Variants in TLE2 observed in about 807,000 individuals in gnomAD.
The protein encoded by TLE2 is transducin-like enhancer protein 2.
A neutral mutation model predicts 97.2 loss-of-function variants in TLE2; 74 were observed. That is an observed-to-expected ratio of 0.76 (90% CI 0.63 to 0.92). TLE2 has a LOEUF of 0.92. Among genes scored for constraint, TLE2 ranks in the 40% least tolerant of loss-of-function variants. The pLI is 0.00. For missense variants in TLE2, 1,038 were observed against 1,008.7 expected (o/e 1.03, Z -0.39); for synonymous variants, 499 against 432.1 (o/e 1.15, Z -1.92).
At chr19:3,009,931 C>A (rs956174925) in intron 12 of TLE2, among the ~76,000 whole-genome samples, 2 of 150,642 alleles carry the variant, frequency 1.3e-5, no homozygotes, top group Non-Finnish European at 2.9e-5. Flanking sequence ...TGTCGCCAGG[C>A]TGGAGTTCAG....
chr19:3,016,834 A>G (rs2145168638), intron 8 of TLE2, among the ~76,000 whole-genome samples: 1 of 151,554 alleles, frequency 6.6e-6, no homozygotes, highest in East Asian at 2.0e-4. Flanking sequence ...GCTGGAGTGC[A>G]GTGGCGCAAT....
At position 3,015,719 on chromosome 19, in the gene TLE2, C is replaced by G. The variant is rs1455709029; in HGVS notation, c.612G>C (p.Glu204Asp). Reference sequence around the variant, plus strand: ...CGCCACCACCAGGGCCACTCGGTCGCTCCTCCTCCACGAGACTCTCAGGGG... The same window carrying G: ...CGCCACCACCAGGGCCACTCGGTCGGTCCTCCTCCACGAGACTCTCAGGGG... Reference protein sequence around the residue: ...PSPPESLVEEERPSGPGGGGK... With the variant: ...PSPPESLVEEDRPSGPGGGGK... The change falls in exon 9 of 20, where the codon GAG becomes GAC. Residue 204 changes from glutamate to aspartate, a missense_variant. Coordinates refer to ENST00000262953, the MANE Select transcript of TLE2 (RefSeq NM_003260.5). 6.2e-7 allele frequency: 1 copy of G among 1,611,538 alleles called. No individual in the cohort carries two copies. The highest frequency in any genetic ancestry group is 1.1e-5 in the South Asian group (1 of 90,646).
Position 3,000,664 on chromosome 19 carries a change from C to T in TLE2, c.2107G>A (p.Gly703Arg), listed in dbSNP as rs778196891. The T allele has an allele frequency of 5.7e-6, 9 of 1,590,530 alleles. No homozygotes were observed. The highest frequency in any genetic ancestry group is 2.3e-5 in the East Asian group (1 of 43,536). The change falls in exon 19 of 20, where the codon GGG becomes AGG. Residue 703 changes from glycine (G) to arginine (R), a missense_variant. Gly to Arg is a moderately radical substitution (Grantham distance 125). Coordinates refer to ENST00000262953, the MANE Select transcript of TLE2 (RefSeq NM_003260.5). The part of the protein sequence containing the change: ...NLLNAWRTPY[G>R]ASIFQSKESS... ...CCGAGTACCTGGAAAATGCTGGCCC[C>T]GTACGGCGTCCTCCAGGCGTTGAGC...
Position 3,029,130 on chromosome 19 carries a change from G to A in TLE2, c.-226C>T, listed in dbSNP as rs2145215214. On this transcript the variant is annotated 5_prime_UTR_variant, in exon 1 of 20. Coordinates refer to ENST00000262953, the MANE Select transcript of TLE2 (RefSeq NM_003260.5). The stretch of plus-strand genomic sequence containing the variant: ...GGGTTGGGGTGCGCGGGGCGAGCGG[G>A]GCGGGCAGGGGCAGCGGCCGGGGCG... 2 of 1,077,810 alleles carry A rather than the reference G, an allele frequency of 1.9e-6. No homozygotes were observed. Among genetic ancestry groups the A allele is most frequent in the Non-Finnish European group, 2.3e-6 (2 of 887,194 alleles). The allele number at this position is 1,077,810 out of a possible 1,614,324, so 66.8% of individuals were successfully genotyped here.
chr19:3,013,775 C>A lies in TLE2; in HGVS notation c.767G>T (p.Gly256Val). The A allele has an allele frequency of 6.4e-7, 1 of 1,559,756 alleles. No individual in the cohort carries two copies. The highest frequency in any genetic ancestry group is 8.7e-7 in the Non-Finnish European group (1 of 1,155,772). The change falls in exon 11 of 20, where the codon GGA becomes GTA. Residue 256 changes from glycine (G) to valine (V), a missense_variant. By Grantham distance (109) the Gly-to-Val change is moderately radical. Coordinates refer to ENST00000262953, the MANE Select transcript of TLE2 (RefSeq NM_003260.5). ...EPPSPATTPC[G>V]KVPICIPARR... is the part of the protein sequence containing the mutation. ...GGCAGGAATGCAGATGGGTACCTTT[C>A]CGCAGGGGGTGGTAGCCGGGCTGGG...
At chr19:3,004,747 C>G (rs529015589) in intron 17 of TLE2, among the ~76,000 whole-genome samples, 10 of 151,950 alleles carry the variant, frequency 6.6e-5, no homozygotes, top group African/African-American at 2.4e-4. Flanking sequence ...AAGAGAAAGG[C>G]ATTTCAGCCA....
chr19:3,018,217 G>A lies in TLE2; in HGVS notation c.551-358C>T, dbSNP rs527379293. ...CCCAGTCACAGTTCACTGCAGCCTC[G>A]AGTTCCCGGGCTCAAGTGATTGTCC... is the stretch of plus-strand genomic sequence containing the variant. On this transcript the variant is annotated intron_variant, in intron 7 of 19. Coordinates refer to ENST00000262953, the MANE Select transcript of TLE2 (RefSeq NM_003260.5). Among the ~76,000 whole-genome samples, 8 of 152,052 alleles carry A rather than the reference G, an allele frequency of 5.3e-5. 1 individual carries two copies. The East Asian group carries it at 9.7e-4, about 18-fold the overall frequency.
In TLE2 at chr19:3,025,350, G is replaced by A. The variant is rs4399658; in HGVS notation, c.232-268C>T. On this transcript the variant is annotated intron_variant, in intron 4 of 19. Coordinates refer to ENST00000262953, the MANE Select transcript of TLE2 (RefSeq NM_003260.5). ...CCTACGAGTCACAGATACACCACCCGCCAGACGCACACCCGCCAGGGATTT... is the reference window on the plus strand; with the variant it reads ...CCTACGAGTCACAGATACACCACCCACCAGACGCACACCCGCCAGGGATTT... The A allele has an allele frequency of 7.8e-5, 97 of 1,235,980 alleles. No homozygotes were observed. In the African/African-American group the frequency reaches 1.2e-3, roughly 16 times the overall value. 76.6% of individuals were successfully genotyped at this position (1,235,980 alleles called of 1,614,324 possible). A position where few individuals can be genotyped will look rare whatever the true frequency, so the allele number is the denominator to read the frequency against.
intron 12 of TLE2, among the ~76,000 whole-genome samples, chr19:3,010,102 G>C (rs1456324493): frequency 6.6e-6 from 1 of 152,006 alleles, no homozygotes; most frequent in East Asian, 1.9e-4. Flanking sequence ...AGTGGCTCAC[G>C]CCTGTAATCC....
At position 2,997,671 on chromosome 19, in the gene TLE2, A is replaced by G; in HGVS notation, c.*177T>C. 2 of 584,374 alleles carry G rather than the reference A, an allele frequency of 3.4e-6. No homozygotes were observed. 36.2% of individuals were successfully genotyped at this position (584,374 alleles called of 1,614,324 possible). On this transcript the variant is annotated 3_prime_UTR_variant, in exon 20 of 20. Transcript: ENST00000262953. ...TGATAGATACATTTTATTTCCACCG[A>G]GGTCCCCTGCCCATCGGCCCCCACA...
Position 3,019,265 on chromosome 19 carries a change from C to G in TLE2, c.550+18G>C. On this transcript the variant is annotated intron_variant, in intron 7 of 19. Coordinates refer to ENST00000262953, the MANE Select transcript of TLE2 (RefSeq NM_003260.5). The surrounding 1 kb of genome is among the most constrained non-coding windows in gnomAD (Gnocchi z 5.1). ...GCCCCGTCTCCCCAGCCAATGCCAC[C>G]CCGTGCTGCCCACTCACCTCTGGAC... 5.1e-6 allele frequency: 8 copies of G among 1,566,124 alleles called. No homozygotes were observed. Among genetic ancestry groups the G allele is most frequent in the Non-Finnish European group, 6.9e-6 (8 of 1,164,340 alleles).
chr19:3,014,525 G>A (rs1178873904), intron 10 of TLE2, 45 bp downstream of exon 10: 20 of 1,514,830 alleles, frequency 1.3e-5, no homozygotes, highest in Non-Finnish European at 1.7e-5. Context: ...CCCACCCCTT[G>A]CTCTGTGCCC....
upstream of TLE2, among the ~76,000 whole-genome samples, chr19:3,029,999 G>A (rs1236497466): frequency 2.0e-5 from 3 of 152,042 alleles, no homozygotes; most frequent in Admixed American, 6.6e-5. Flanking sequence ...GTAGGGGGGC[G>A]TCTCACTATG....
chr19:3,024,911 G>T, intron 5 of TLE2, 109 bp downstream of exon 5: 1 of 945,284 alleles, frequency 1.1e-6, no homozygotes, highest in Non-Finnish European at 1.6e-6. Context: ...TATCCGTGCT[G>T]CAGGCTACGC....
At chr19:3,041,014 T>TATATATATATGTATATA (rs55998855) in intron 1 of TLE2, among the ~76,000 whole-genome samples, 1 of 20,162 alleles carries the variant, frequency 5.0e-5, no homozygotes, top group Non-Finnish European at 8.4e-5. Context: ...TATATATATA[T>TATATATATATGTATATA]TTTTTTTTTT....
Position 2,997,739 on chromosome 19 carries a change from G to A in TLE2, c.*109C>T, listed in dbSNP as rs1407822042. ...TGAAGCCGTTGGCCAGAGAGCAGATGGGATGTACGGTTCCTAGGCAGGGCT... is the reference window on the plus strand; with the variant it reads ...TGAAGCCGTTGGCCAGAGAGCAGATAGGATGTACGGTTCCTAGGCAGGGCT... On this transcript the variant is annotated 3_prime_UTR_variant, in exon 20 of 20. Coordinates refer to ENST00000262953, the MANE Select transcript of TLE2 (RefSeq NM_003260.5). The A allele has an allele frequency of 6.5e-6, 5 of 770,590 alleles. No homozygotes were observed. The highest frequency in any genetic ancestry group is 1.1e-5 in the Non-Finnish European group (5 of 450,276). The allele number at this position is 770,590 out of a possible 1,614,324, so 47.7% of individuals were successfully genotyped here. A position where few individuals can be genotyped will look rare whatever the true frequency, so the allele number is the denominator to read the frequency against.
At chr19:3,015,565 G>T (rs546187404) in intron 9 of TLE2, 88 bp downstream of exon 9, 2 of 1,035,674 alleles carry the variant, frequency 1.9e-6, no homozygotes, top group African/African-American at 3.2e-5. Flanking sequence ...GAGAATTATG[G>T]CCAGAGCTGG....
intron 12 of TLE2, among the ~76,000 whole-genome samples, chr19:3,010,364 C>CA (rs34884101): frequency 1.4e-4 from 19 of 140,020 alleles, no homozygotes; most frequent in African/African-American, 2.4e-4. Context: ...AACTCCGTCT[C>CA]AAAAAAAAAG....
chr19:3,037,859 C>T (rs1376274054), intron 1 of TLE2, among the ~76,000 whole-genome samples: 2 of 152,152 alleles, frequency 1.3e-5, no homozygotes, highest in African/African-American at 4.8e-5. Context: ...CAGTGGCTCA[C>T]ACCTGTGATC....
Sources: allele counts gnomAD v4.1 joint callset (sites outside exome capture counted in the v4.1 genomes callset), GRCh38; gene constraint gnomAD v4.1.1; non-coding constraint Gnocchi (gnomAD v3.1); transcripts MANE v1.5; gene names NCBI Gene and HGNC (gene_info 2026-07-23, HGNC 2026-07-21).